Variants in LRRTM4 observed in about 807,000 individuals in gnomAD.
LRRTM4 encodes leucine-rich repeat transmembrane neuronal protein 4.
Under a neutral mutation model 47.6 loss-of-function variants are expected in LRRTM4, and 25 were observed. That is an observed-to-expected ratio of 0.53 (90% CI 0.38 to 0.73). The LOEUF (loss-of-function observed/expected upper bound fraction) is 0.73. LRRTM4 is among the 30% of genes least tolerant of loss of function. The pLI is 0.00. For missense variants in LRRTM4, 638 were observed against 713.4 expected, an observed-to-expected ratio of 0.89 and a Z score of 1.20; for synonymous variants, 311 against 269.5, an observed-to-expected ratio of 1.15 and a Z score of -1.51.
intron 3 of LRRTM4, among the ~76,000 whole-genome samples, chr2:77,302,024 A>G (rs1677144612): frequency 6.6e-6 from 1 of 152,224 alleles, no homozygotes; most frequent in Admixed American, 6.5e-5. Context: ...ATAGTTTCTT[A>G]GTTTCTTTGT....
intron 3 of LRRTM4, among the ~76,000 whole-genome samples, chr2:77,478,398 T>G (rs1677520902): frequency 6.6e-6 from 1 of 152,224 alleles, no homozygotes; most frequent in Admixed American, 6.5e-5. Flanking sequence ...ATCAACTTCT[T>G]ACTCTTCATT....
In LRRTM4 at chr2:77,519,391, T is replaced by TCC; in HGVS notation, c.477_478insGG (p.Ile160GlyfsTer6). 6.2e-7 allele frequency: 1 copy of TCC among 1,613,442 alleles called. No homozygotes were observed. Among genetic ancestry groups the TCC allele is most frequent in the Non-Finnish European group, 8.5e-7 (1 of 1,179,600 alleles). On this transcript the variant is annotated frameshift_variant, in exon 3 of 4. Coordinates refer to ENST00000409884, the MANE Select transcript of LRRTM4 (RefSeq NM_001134745.3). LOFTEE classifies it high-confidence loss of function. The surrounding 1 kb of genome is among the most constrained non-coding windows in gnomAD (Gnocchi z 4.6). ...GAGTTAGATCTCAAGTGCAAAATGATGAGTTTCCGAAGGCCTTTAAATTGT... is the reference window on the plus strand; with the variant it reads ...GAGTTAGATCTCAAGTGCAAAATGATCCGAGTTTCCGAAGGCCTTTAAATTGT...
At chr2:77,173,057 T>C (rs1478513823) in intron 3 of LRRTM4, among the ~76,000 whole-genome samples, 1 of 152,180 alleles carries the variant, frequency 6.6e-6, no homozygotes, top group Non-Finnish European at 1.5e-5. Context: ...ATGGGCATGA[T>C]GGACAAGTTG....
intron 3 of LRRTM4, among the ~76,000 whole-genome samples, chr2:76,807,505 C>G (rs1232502935): frequency 1.5e-5 from 2 of 130,592 alleles, no homozygotes; most frequent in African/African-American, 2.9e-5. Context: ...TATATATAGG[C>G]AAAGTTATAC....
At chr2:76,749,337 G>C (rs1475046630) in intron 3 of LRRTM4, among the ~76,000 whole-genome samples, 2 of 152,106 alleles carry the variant, frequency 1.3e-5, no homozygotes, top group Non-Finnish European at 2.9e-5. Context: ...AGGTGCAAAA[G>C]AATGTATGGT....
intron 3 of LRRTM4, among the ~76,000 whole-genome samples, chr2:76,990,718 C>T (rs1676974365): frequency 6.6e-6 from 1 of 151,708 alleles, no homozygotes; most frequent in Admixed American, 6.6e-5. Context: ...TCAACAACCA[C>T]TGATAGTGCA....
At chr2:77,181,101 C>A (rs988962269) in intron 3 of LRRTM4, among the ~76,000 whole-genome samples, 1 of 152,056 alleles carries the variant, frequency 6.6e-6, no homozygotes, top group Non-Finnish European at 1.5e-5. Flanking sequence ...GAAATTGATT[C>A]TAGCAAAGGA....
At chr2:77,438,296 T>A (rs1675685373) in intron 3 of LRRTM4, among the ~76,000 whole-genome samples, 2 of 151,992 alleles carry the variant, frequency 1.3e-5, no homozygotes, top group Non-Finnish European at 2.9e-5. Flanking sequence ...TTTTTATATA[T>A]ATTTTGAAAA....
chr2:77,005,335 G>A (rs568230054), intron 3 of LRRTM4, among the ~76,000 whole-genome samples: 1 of 152,112 alleles, frequency 6.6e-6, no homozygotes, highest in East Asian at 1.9e-4. Context: ...AGTAGAGACA[G>A]GGTTTCACCA....
At chr2:77,158,073 G>A (rs1209519123) in intron 3 of LRRTM4, among the ~76,000 whole-genome samples, 1 of 152,132 alleles carries the variant, frequency 6.6e-6, no homozygotes, top group Non-Finnish European at 1.5e-5. Flanking sequence ...AGAAACACAG[G>A]GGAAATATTA....
chr2:77,010,067 T>A (rs1677810667), intron 3 of LRRTM4, among the ~76,000 whole-genome samples: 1 of 151,470 alleles, frequency 6.6e-6, no homozygotes, highest in Non-Finnish European at 1.5e-5. Flanking sequence ...TTGATATATG[T>A]ATATGTTTTG....
chr2:76,822,316 A>G (rs1214306352), intron 3 of LRRTM4, among the ~76,000 whole-genome samples: 3 of 151,582 alleles, frequency 2.0e-5, no homozygotes, highest in Non-Finnish European at 4.4e-5. Context: ...AGATATTATA[A>G]TAAAGGAAGA....
At chr2:77,514,732 T>A (rs890233162) in intron 3 of LRRTM4, among the ~76,000 whole-genome samples, 19 of 151,942 alleles carry the variant, frequency 1.3e-4, no homozygotes, top group African/African-American at 4.6e-4. Context: ...CTTTTTTTAA[T>A]GTACAAAACA....
At chr2:76,928,469 G>A (rs905269593) in intron 3 of LRRTM4, among the ~76,000 whole-genome samples, 5 of 152,182 alleles carry the variant, frequency 3.3e-5, no homozygotes, top group Middle Eastern at 3.4e-3. Context: ...CACTATCCAC[G>A]GAGGAGCTTT....
At chr2:77,492,574 A>C (rs986478981) in intron 3 of LRRTM4, among the ~76,000 whole-genome samples, 4 of 152,094 alleles carry the variant, frequency 2.6e-5, no homozygotes, top group African/African-American at 9.7e-5. Flanking sequence ...ATACATTTCT[A>C]ATTGGTGCTA....
intron 3 of LRRTM4, among the ~76,000 whole-genome samples, chr2:77,405,737 A>C (rs1674157336): frequency 6.6e-6 from 1 of 152,168 alleles, no homozygotes; most frequent in Admixed American, 6.5e-5. Context: ...GCTAAGAATC[A>C]GGTCTCAAGT....
chr2:77,445,688 T>C (rs1248865398), intron 3 of LRRTM4, among the ~76,000 whole-genome samples: 1 of 152,074 alleles, frequency 6.6e-6, no homozygotes, highest in Non-Finnish European at 1.5e-5. Flanking sequence ...ACAGTTACAA[T>C]ACATTTGGGG....
At chr2:76,964,509 C>G (rs1354889936) in intron 3 of LRRTM4, among the ~76,000 whole-genome samples, 2 of 150,676 alleles carry the variant, frequency 1.3e-5, no homozygotes, top group Admixed American at 6.7e-5. Flanking sequence ...TTTCCTGTTC[C>G]TAAGTAAAGC....
intron 3 of LRRTM4, among the ~76,000 whole-genome samples, chr2:76,860,041 A>C (rs1672265870): frequency 6.6e-6 from 1 of 152,114 alleles, no homozygotes; most frequent in African/African-American, 2.4e-5. Context: ...TTTCCCACTC[A>C]ATACAGAAAG....
Sources: allele counts gnomAD v4.1 joint callset (sites outside exome capture counted in the v4.1 genomes callset), GRCh38; gene constraint gnomAD v4.1.1; non-coding constraint Gnocchi (gnomAD v3.1); transcripts MANE v1.5; gene names NCBI Gene and HGNC (gene_info 2026-07-23, HGNC 2026-07-21).